COL22A1: variants seen among roughly 807,000 people sequenced by gnomAD.
The protein encoded by COL22A1 is collagen alpha-1(XXII) chain.
COL22A1 carries 221 observed loss-of-function variants against 248.9 expected under a neutral mutation model. That is an observed-to-expected ratio of 0.89 (90% CI 0.80 to 0.99). The LOEUF (loss-of-function observed/expected upper bound fraction) is 0.99. Among genes scored for constraint, COL22A1 ranks in the 50% least tolerant of loss-of-function variants. The pLI, the probability that COL22A1 is intolerant of heterozygous loss-of-function variation, is 0.00. For missense variants in COL22A1, 2,240 were observed against 2,179.0 expected (o/e 1.03, Z -0.56); for synonymous variants, 891 against 793.4 (o/e 1.12, Z -2.07).
chr8:138,781,041 G>A, intron 12 of COL22A1, 61 bp from the exon 13 acceptor site: 2 of 1,229,668 alleles, frequency 1.6e-6, no homozygotes, highest in Non-Finnish European at 2.3e-6. Context: ...CTCTCAGAAT[G>A]CTAGTGCAGT....
chr8:138,630,783 G>T, intron 49 of COL22A1, 35 bp from the exon 50 acceptor site: 10 of 1,596,630 alleles, frequency 6.3e-6, no homozygotes, highest in Non-Finnish European at 8.6e-6. Flanking sequence ...AGTTTCTTGT[G>T]CATCTAGACA....
intron 63 of COL22A1, 37 bp from the exon 64 acceptor site, chr8:138,591,538 C>A (rs1320082189): frequency 2.0e-6 from 3 of 1,464,930 alleles, no homozygotes; most frequent in Admixed American, 2.2e-5. Flanking sequence ...TGGTGGAGAC[C>A]CCCGGGGAGG....
rs754652743 is a variant in COL22A1 at position 138,685,269 on chromosome 8, C to A, written c.2906G>T (p.Arg969Met). 3.7e-6 allele frequency: 6 copies of A among 1,613,874 alleles called. No individual in the cohort carries two copies. The African/African-American group carries it at 8.0e-5, about 22-fold the overall frequency. ...GAGCCCAGGAGCACCAGGATCTCCC[C>A]TGGGACCAACTGGCCCTGGGCTGCC... ...EEGSPGPVGP[R>M]GDPGAPGLPG... The change falls in exon 38 of 65, where the codon AGG (arginine) becomes ATG (methionine). Residue 969 changes from arginine to methionine, a missense_variant. Transcript: ENST00000303045.
intron 39 of COL22A1, among the ~76,000 whole-genome samples, chr8:138,682,902 T>C (rs1222436772): frequency 1.3e-5 from 2 of 152,158 alleles, no homozygotes; most frequent in Non-Finnish European, 2.9e-5. Context: ...GGTTTCACCA[T>C]GTTGGCCAGG....
intron 56 of COL22A1, among the ~76,000 whole-genome samples, chr8:138,608,299 T>A (rs1418543916): frequency 2.6e-5 from 4 of 152,250 alleles, no homozygotes; most frequent in Admixed American, 1.3e-4. Flanking sequence ...CATTCATCTA[T>A]TCATCCATCC....
chr8:138,811,934 C>A lies in COL22A1; in HGVS notation c.1327-13G>T. 6.5e-7 allele frequency: 1 copy of A among 1,533,588 alleles called. No homozygotes were observed. The highest frequency in any genetic ancestry group is 1.3e-5 in the South Asian group (1 of 79,892). The allele number at this position is 1,533,588 out of a possible 1,614,324, so 95.0% of individuals were successfully genotyped here. A position where few individuals can be genotyped will look rare whatever the true frequency, so the allele number is the denominator to read the frequency against. On this transcript the variant is annotated splice_polypyrimidine_tract_variant and intron_variant, in intron 8 of 64. Coordinates refer to ENST00000303045, the MANE Select transcript of COL22A1 (RefSeq NM_152888.3). ...CGGTCACCTGGCACTGGAAGGAAAG[C>A]CCAGGAGGTCAGAACCTGGCTCTTC...
intron 7 of COL22A1, among the ~76,000 whole-genome samples, chr8:138,814,902 T>C (rs1479252685): frequency 6.6e-6 from 1 of 152,150 alleles, no homozygotes; most frequent in East Asian, 1.9e-4. Flanking sequence ...TCTTGCATGA[T>C]ATGGTTTGGC....
intron 4 of COL22A1, among the ~76,000 whole-genome samples, chr8:138,838,851 G>T (rs1317132325): frequency 6.6e-6 from 1 of 152,168 alleles, no homozygotes; most frequent in African/African-American, 2.4e-5. Context: ...ACCACGTGGT[G>T]TCAGAAGACC....
chr8:138,739,721 C>T (rs1300294724), intron 22 of COL22A1, among the ~76,000 whole-genome samples: 9 of 152,068 alleles, frequency 5.9e-5, no homozygotes, highest in Non-Finnish European at 7.3e-5. Context: ...CAAGCCATGA[C>T]GGTGGCACTG....
At chr8:138,766,116 C>A (rs1345267247) in intron 16 of COL22A1, among the ~76,000 whole-genome samples, 2 of 152,228 alleles carry the variant, frequency 1.3e-5, no homozygotes, top group African/African-American at 4.8e-5. Flanking sequence ...CTGACAATCA[C>A]CCTGGAACCT....
chr8:138,811,875 T>TGGGGTG lies in COL22A1; in HGVS notation c.1367_1372dup (p.Pro456_Pro457dup). On this transcript the variant is annotated inframe_insertion, in exon 9 of 65. Coordinates refer to ENST00000303045, the MANE Select transcript of COL22A1 (RefSeq NM_152888.3). ...TTCACTGCCTGGGGTGGGAGGCCGCTGGGGTGGGGGTGGAGGTGGAGGCTC... is the reference window on the plus strand; with the variant it reads ...TTCACTGCCTGGGGTGGGAGGCCGCTGGGGTGGGGGTGGGGGTGGAGGTGGAGGCTC... The TGGGGTG allele has an allele frequency of 8.4e-6, 4 of 473,818 alleles. No homozygotes were observed. Among genetic ancestry groups the TGGGGTG allele is most frequent in the Non-Finnish European group, 1.3e-5 (4 of 302,920 alleles). The allele number at this position is 473,818 out of a possible 1,614,324, so 29.4% of individuals were successfully genotyped here. A position where few individuals can be genotyped will look rare whatever the true frequency, so the allele number is the denominator to read the frequency against.
chr8:138,867,683 T>C (rs757190769), intron 3 of COL22A1, among the ~76,000 whole-genome samples: 1 of 152,230 alleles, frequency 6.6e-6, no homozygotes, highest in Non-Finnish European at 1.5e-5. Context: ...GCACTGACTG[T>C]GCCAGGCTGC....
chr8:138,757,927 G>A (rs1366355370), intron 18 of COL22A1, among the ~76,000 whole-genome samples: 1 of 152,216 alleles, frequency 6.6e-6, no homozygotes. Context: ...GCAACCCTGT[G>A]TGGGGACCTC....
chr8:138,682,522 A>G (rs984121011), intron 39 of COL22A1, among the ~76,000 whole-genome samples: 1 of 152,106 alleles, frequency 6.6e-6, no homozygotes, highest in Non-Finnish European at 1.5e-5. Context: ...TTAAAAGTTG[A>G]TGCATCTGAG....
chr8:138,767,602 A>G (rs1173901854), intron 16 of COL22A1, among the ~76,000 whole-genome samples: 1 of 152,228 alleles, frequency 6.6e-6, no homozygotes, highest in African/African-American at 2.4e-5. Flanking sequence ...CTGCTCTGAG[A>G]ACCAAGTGCT....
intron 21 of COL22A1, among the ~76,000 whole-genome samples, chr8:138,754,814 A>G (rs552534358): frequency 9.2e-5 from 14 of 152,340 alleles, no homozygotes; most frequent in Non-Finnish European, 1.2e-4. Context: ...TAAGTGTCCA[A>G]TGTTTTTATT....
intron 9 of COL22A1, among the ~76,000 whole-genome samples, chr8:138,809,666 A>ACACAC (rs906276440): frequency 2.6e-5 from 4 of 151,708 alleles, no homozygotes; most frequent in Non-Finnish European, 5.9e-5. Context: ...GATTATAGGC[A>ACACAC]CACACCACCA....
chr8:138,657,957 T>C (rs1195773745), intron 44 of COL22A1, among the ~76,000 whole-genome samples: 2 of 145,778 alleles, frequency 1.4e-5, no homozygotes, highest in African/African-American at 5.5e-5. Context: ...ACACATTTTT[T>C]ACTGTTTTTT....
intron 3 of COL22A1, among the ~76,000 whole-genome samples, chr8:138,859,550 G>A (rs907464590): frequency 9.2e-5 from 14 of 152,180 alleles, no homozygotes; most frequent in African/African-American, 1.7e-4. Flanking sequence ...CATCTGGTGC[G>A]GCCTTCCCAA....
Sources: allele counts gnomAD v4.1 joint callset (sites outside exome capture counted in the v4.1 genomes callset), GRCh38; gene constraint gnomAD v4.1.1; transcripts MANE v1.5; gene names NCBI Gene and HGNC (gene_info 2026-07-23, HGNC 2026-07-21).